Variants in JDP2 observed in about 807,000 individuals in gnomAD.
The protein encoded by JDP2 is Jun dimerization protein 2.
In JDP2, 9 loss-of-function variants were observed where a neutral mutation model predicts 17.1. That is an observed-to-expected ratio of 0.53 (90% CI 0.32 to 0.92). JDP2 has a LOEUF of 0.92. Ranked by LOEUF, JDP2 falls within the 40% of genes least tolerant of loss-of-function variation. The pLI, the probability that JDP2 is intolerant of heterozygous loss-of-function variation, is 0.04. For synonymous variants in JDP2, 107 were observed against 95.6 expected, an observed-to-expected ratio of 1.12 and a Z score of -0.69; for missense variants, 179 against 220.0, an observed-to-expected ratio of 0.81 and a Z score of 1.18.
chr14:75,462,906 C>T (rs961090227), intron 3 of JDP2, among the ~76,000 whole-genome samples: 2 of 152,140 alleles, frequency 1.3e-5, no homozygotes, highest in Non-Finnish European at 2.9e-5. Context: ...TCTGGGAGCC[C>T]GTTGGAAGAG....
chr14:75,442,467 T>C (rs114165662), intron 2 of JDP2, among the ~76,000 whole-genome samples: 1,851 of 152,332 alleles, frequency 0.012, 36 homozygotes, highest in African/African-American at 0.042. Context: ...ATTTTGAGTC[T>C]GTGTCCCATG....
At position 75,469,576 on chromosome 14, in the gene JDP2, A is replaced by T; in HGVS notation, c.*101A>T. ...CAGATGGCCCTTCCTTTGGTGCATG[A>T]AAAACTGTACAATGAGGTTCAGCAC... is the stretch of plus-strand genomic sequence containing the variant. On this transcript the variant is annotated 3_prime_UTR_variant, in exon 4 of 4. Transcript: ENST00000651602. 2.9e-6 allele frequency: 3 copies of T among 1,022,396 alleles called. No individual in the cohort carries two copies. The South Asian group carries it at 4.8e-5, about 16-fold the overall frequency. The allele number at this position is 1,022,396 out of a possible 1,614,324, so 63.3% of individuals were successfully genotyped here.
Position 75,470,791 on chromosome 14 carries a change from G to A in JDP2, c.*1316G>A, listed in dbSNP as rs551784932. 5.3e-5 allele frequency: 8 copies of A among 152,344 alleles called. No individual in the cohort carries two copies. The highest frequency in any genetic ancestry group is 3.9e-4 in the East Asian group (2 of 5,188). The allele number at this position is 152,344 out of a possible 1,614,324, so 9.4% of individuals were successfully genotyped here. ...CTTGCTCCATAAGTTGTCTCATTTC[G>A]TCTTCATGGCAGCCTTGCCAGGGAA... is the stretch of plus-strand genomic sequence containing the variant. On this transcript the variant is annotated 3_prime_UTR_variant, in exon 4 of 4. Transcript: ENST00000651602.
rs1018026851 is a variant in JDP2, at chr14:75,472,989, A to G, written c.*3514A>G. On this transcript the variant is annotated 3_prime_UTR_variant, in exon 4 of 4. Coordinates refer to ENST00000651602, the MANE Select transcript of JDP2 (RefSeq NM_001135048.2). ...GCCACCTCTGCCCAGGGTTCCTATG[A>G]GAATCAATCGAGTTGATGAATGCAA... 1 of 152,232 alleles carries G rather than the reference A, an allele frequency of 6.6e-6. No individual in the cohort carries two copies. The highest frequency in any genetic ancestry group is 2.4e-5 in the African/African-American group (1 of 41,454). 9.4% of individuals were successfully genotyped at this position (152,232 alleles called of 1,614,324 possible).
intron 2 of JDP2, among the ~76,000 whole-genome samples, chr14:75,454,492 T>C (rs1886012896): frequency 6.6e-6 from 1 of 152,242 alleles, no homozygotes; most frequent in African/African-American, 2.4e-5. Context: ...TAAACACCCA[T>C]TCTGTGCCAT....
Position 75,470,466 on chromosome 14 carries a change from G to T in JDP2, c.*991G>T, listed in dbSNP as rs1166894803. 1 of 152,598 alleles carries T rather than the reference G, an allele frequency of 6.6e-6. No homozygotes were observed. The highest frequency in any genetic ancestry group is 6.5e-5 in the Admixed American group (1 of 15,284). 9.5% of individuals were successfully genotyped at this position (152,598 alleles called of 1,614,324 possible). A position where few individuals can be genotyped will look rare whatever the true frequency, so the allele number is the denominator to read the frequency against. ...TTGCTCTTACTTACATAGCCGCCTTGCGTGGTGTCTGCCTGGGGAATGGGT... is the reference window on the plus strand; with the variant it reads ...TTGCTCTTACTTACATAGCCGCCTTTCGTGGTGTCTGCCTGGGGAATGGGT... On this transcript the variant is annotated 3_prime_UTR_variant, in exon 4 of 4. Coordinates refer to ENST00000651602, the MANE Select transcript of JDP2 (RefSeq NM_001135048.2).
chr14:75,451,507 CA>C (rs1358658583), intron 2 of JDP2, among the ~76,000 whole-genome samples: 1 of 152,076 alleles, frequency 6.6e-6, no homozygotes, highest in Non-Finnish European at 1.5e-5. Flanking sequence ...ATTTGGTTGG[CA>C]TTAGTGTATG....
chr14:75,466,453 G>GACT (rs1484585766), intron 3 of JDP2, among the ~76,000 whole-genome samples: 6 of 152,134 alleles, frequency 3.9e-5, no homozygotes, highest in Non-Finnish European at 5.9e-5. Flanking sequence ...AAGAAAAAAA[G>GACT]CAGTTAGTTA....
chr14:75,447,719 G>A (rs138164606), intron 2 of JDP2, among the ~76,000 whole-genome samples: 190 of 152,100 alleles, frequency 1.2e-3, no homozygotes, highest in African/African-American at 4.1e-3. Flanking sequence ...GTGCAGTGGC[G>A]TGATCTCGGC....
intron 2 of JDP2, among the ~76,000 whole-genome samples, chr14:75,449,966 G>T (rs1885776724): frequency 6.6e-6 from 1 of 152,204 alleles, no homozygotes; most frequent in Admixed American, 6.5e-5. Context: ...AAATGGGGCT[G>T]TTCTCCACTG....
chr14:75,451,084 T>A (rs1885836394), intron 2 of JDP2, among the ~76,000 whole-genome samples: 2 of 152,178 alleles, frequency 1.3e-5, no homozygotes, highest in Admixed American at 1.3e-4. Flanking sequence ...AACCCTGGGA[T>A]CAACAGGTGG....
rs1465530889 is a variant in JDP2, at chr14:75,436,119, C to T, written c.-23-1779C>T. 2.6e-5 allele frequency among the ~76,000 whole-genome samples: 4 copies of T among 152,326 alleles called. No individual in the cohort carries two copies. The East Asian group carries it at 5.8e-4, about 22-fold the overall frequency. ...TTGGGAAATAGACTCTGGACTTGGA[C>T]AGGGAACCAAATTTCACCTTCAAAA... On this transcript the variant is annotated intron_variant, in intron 1 of 3. Transcript: ENST00000651602.
intron 2 of JDP2, among the ~76,000 whole-genome samples, chr14:75,457,481 C>T (rs1034706645): frequency 6.6e-6 from 1 of 152,262 alleles, no homozygotes; most frequent in African/African-American, 2.4e-5. Context: ...CTGTTTTCTA[C>T]ACCTCTGGGC....
In JDP2 at chr14:75,437,997, C is replaced by T; in HGVS notation, c.77C>T (p.Pro26Leu). Residue 26 changes from proline (P) to leucine (L), a missense_variant, in exon 2 of 4, where the codon CCC (proline) becomes CTC (leucine). Transcript: ENST00000651602. The part of the protein sequence containing the change: ...LPGLGPLTGL[P>L]SSALTVEELK... ...GGGCTTGGCCCCCTGACCGGGCTCCCCAGCTCGGCCCTGACTGTGGAGGAG... is the reference window on the plus strand; with the variant it reads ...GGGCTTGGCCCCCTGACCGGGCTCCTCAGCTCGGCCCTGACTGTGGAGGAG... 6.2e-7 allele frequency: 1 copy of T among 1,613,780 alleles called. No homozygotes were observed. The highest frequency in any genetic ancestry group is 1.3e-5 in the African/African-American group (1 of 75,074).
chr14:75,427,228 T>A (rs1475510213), upstream of JDP2: 2 of 151,834 alleles, frequency 1.3e-5, no homozygotes, highest in African/African-American at 4.9e-5. The surrounding 1 kb of genome is among the most constrained non-coding windows in gnomAD (Gnocchi z 4.4). Flanking sequence ...GTGTCCGGAG[T>A]GGAAAGGAGA....
At chr14:75,463,714 C>T (rs1237414168) in intron 3 of JDP2, among the ~76,000 whole-genome samples, 1 of 152,114 alleles carries the variant, frequency 6.6e-6, no homozygotes, top group East Asian at 1.9e-4. Flanking sequence ...GAAAAGGATA[C>T]CAGCTGGAGT....
chr14:75,462,803 G>A (rs982775179), intron 3 of JDP2, among the ~76,000 whole-genome samples: 1 of 152,182 alleles, frequency 6.6e-6, no homozygotes, highest in African/African-American at 2.4e-5. Context: ...CTGTGGTCAT[G>A]GGTGTAGACA....
intron 1 of JDP2, among the ~76,000 whole-genome samples, chr14:75,433,996 GTTC>G (rs921911376): frequency 3.3e-5 from 5 of 152,180 alleles, no homozygotes; most frequent in South Asian, 4.1e-4. Context: ...TTAGTGCGTA[GTTC>G]TTCTTTTCCT....
intron 2 of JDP2, among the ~76,000 whole-genome samples, chr14:75,453,810 C>T (rs900986687): frequency 3.3e-5 from 5 of 152,230 alleles, no homozygotes; most frequent in Admixed American, 1.3e-4. Flanking sequence ...TAGCCTGGTT[C>T]TGTCTGCCCA....
Sources: allele counts gnomAD v4.1 joint callset (sites outside exome capture counted in the v4.1 genomes callset), GRCh38; gene constraint gnomAD v4.1.1; non-coding constraint Gnocchi (gnomAD v3.1); transcripts MANE v1.5; gene names NCBI Gene and HGNC (gene_info 2026-07-23, HGNC 2026-07-21).